FTO: variants seen among roughly 807,000 people sequenced by gnomAD.
FTO encodes the protein alpha-ketoglutarate-dependent dioxygenase FTO.
A neutral mutation model predicts 63.9 loss-of-function variants in FTO; 47 were observed. The ratio of observed to expected loss-of-function variants is 0.74; its 90% CI spans 0.58 to 0.94. FTO has a LOEUF of 0.94. Ranked by LOEUF, FTO falls within the 40% of genes least tolerant of loss-of-function variation. FTO has a pLI of 0.00. For synonymous variants in FTO, 207 were observed against 224.4 expected, an observed-to-expected ratio of 0.92 and a Z score of 0.69; for missense variants, 562 against 618.1, an observed-to-expected ratio of 0.91 and a Z score of 0.96.
At chr16:53,915,650 A>G (rs2081845854) in intron 7 of FTO, among the ~76,000 whole-genome samples, 1 of 152,220 alleles carries the variant, frequency 6.6e-6, no homozygotes, top group African/African-American at 2.4e-5. Context: ...GTAGACTCGA[A>G]CACAGGAGGG....
At chr16:54,068,457 G>A (rs1208997259) in intron 8 of FTO, among the ~76,000 whole-genome samples, 1 of 152,164 alleles carries the variant, frequency 6.6e-6, no homozygotes. Flanking sequence ...CCAGGGGTGA[G>A]AAGGATCATT....
intron 7 of FTO, among the ~76,000 whole-genome samples, chr16:53,920,027 TA>T (rs1456624553): frequency 7.2e-5 from 11 of 152,140 alleles, no homozygotes; most frequent in African/African-American, 2.7e-4. Flanking sequence ...AAGAGAGGAA[TA>T]AAGAAAGGCT....
At chr16:53,830,405 G>A (rs1403915962) in intron 3 of FTO, among the ~76,000 whole-genome samples, 1 of 152,162 alleles carries the variant, frequency 6.6e-6, no homozygotes, top group Non-Finnish European at 1.5e-5. Flanking sequence ...ATATGGTCCA[G>A]CACCTTGTTC....
chr16:53,740,149 G>A (rs2076496825), intron 1 of FTO, among the ~76,000 whole-genome samples: 1 of 152,190 alleles, frequency 6.6e-6, no homozygotes, highest in African/African-American at 2.4e-5. Flanking sequence ...ATGTTAACAA[G>A]AAGCACCAGA....
At chr16:53,920,389 C>T (rs2081980922) in intron 7 of FTO, among the ~76,000 whole-genome samples, 1 of 152,140 alleles carries the variant, frequency 6.6e-6, no homozygotes, top group South Asian at 2.1e-4. Flanking sequence ...TCCTGAATCA[C>T]CAAAAATAAT....
chr16:53,946,388 A>G (rs2082651107), intron 8 of FTO, among the ~76,000 whole-genome samples: 1 of 152,188 alleles, frequency 6.6e-6, no homozygotes, highest in Non-Finnish European at 1.5e-5. Flanking sequence ...CTTTCTCTCC[A>G]TAGTCAACTT....
At chr16:54,080,058 A>G (rs2086103302) in intron 8 of FTO, among the ~76,000 whole-genome samples, 1 of 152,128 alleles carries the variant, frequency 6.6e-6, no homozygotes, top group Non-Finnish European at 1.5e-5. Flanking sequence ...GTCATAAGAT[A>G]GTTTTCATGC....
intron 3 of FTO, among the ~76,000 whole-genome samples, chr16:53,842,134 T>C (rs1165536453): frequency 2.6e-5 from 4 of 152,368 alleles, no homozygotes; most frequent in East Asian, 1.9e-4. Flanking sequence ...ATGGTGTTCA[T>C]TGAATGCCTT....
At chr16:53,879,769 G>T in intron 5 of FTO, 75 bp from the exon 6 acceptor site, 11 of 1,483,558 alleles carry the variant, frequency 7.4e-6, no homozygotes, top group East Asian at 2.6e-5. Flanking sequence ...GGACAAATAT[G>T]AACAATCCTA....
intron 8 of FTO, among the ~76,000 whole-genome samples, chr16:54,031,317 G>A (rs1410248781): frequency 1.3e-5 from 2 of 152,220 alleles, no homozygotes; most frequent in Non-Finnish European, 2.9e-5. Flanking sequence ...TGAAACAGTG[G>A]TGTTGCGGCA....
At chr16:53,805,443 GTTTTT>G (rs10552956) in intron 1 of FTO, among the ~76,000 whole-genome samples, 2 of 109,662 alleles carry the variant, frequency 1.8e-5, no homozygotes, top group Non-Finnish European at 3.6e-5. Flanking sequence ...TTGAGTTGTG[GTTTTT>G]TTTTTTTTTT....
At chr16:53,945,696 C>T (rs979466615) in intron 8 of FTO, among the ~76,000 whole-genome samples, 2 of 152,162 alleles carry the variant, frequency 1.3e-5, no homozygotes, top group Admixed American at 6.5e-5. Context: ...CCTTTATATG[C>T]TCTGTCATTT....
At chr16:53,962,407 A>G (rs1225602840) in intron 8 of FTO, among the ~76,000 whole-genome samples, 1 of 152,200 alleles carries the variant, frequency 6.6e-6, no homozygotes, top group East Asian at 1.9e-4. Flanking sequence ...AATTACAGGG[A>G]CATACATCTC....
At chr16:53,929,665 C>T (rs926393384) in intron 7 of FTO, among the ~76,000 whole-genome samples, 1 of 152,156 alleles carries the variant, frequency 6.6e-6, no homozygotes, top group Non-Finnish European at 1.5e-5. Context: ...AGTAGTGTCT[C>T]AACTTTTAAA....
rs1276605320 is a variant in FTO at position 54,116,484 on chromosome 16, T to G, written c.*4569T>G. Reference sequence around the variant, plus strand: ...TTGTTACTCTGTGATTAAATGGTATTTTTAATTAAGTTTCATTGGGAGCCA... The same window carrying G: ...TTGTTACTCTGTGATTAAATGGTATGTTTAATTAAGTTTCATTGGGAGCCA... On this transcript the variant is annotated 3_prime_UTR_variant, in exon 9 of 9. Transcript: ENST00000471389. 1 of 152,162 alleles carries G rather than the reference T, an allele frequency of 6.6e-6. No individual in the cohort carries two copies. The highest frequency in any genetic ancestry group is 1.5e-5 in the Non-Finnish European group (1 of 68,046). The allele number at this position is 152,162 out of a possible 1,614,324, so 9.4% of individuals were successfully genotyped here. A position where few individuals can be genotyped will look rare whatever the true frequency, so the allele number is the denominator to read the frequency against.
At position 53,810,216 on chromosome 16, in the gene FTO, A is replaced by G; in HGVS notation, c.122A>G (p.Gln41Arg). The G allele has an allele frequency of 1.3e-6, 2 of 1,591,218 alleles. No homozygotes were observed. Residue 41 changes from glutamine (Q) to arginine (R), a missense_variant and splice_region_variant, in exon 2 of 9, where the codon CAG (glutamine) becomes CGG (arginine). Gln to Arg is a conservative substitution (Grantham distance 43). Transcript: ENST00000471389. ...LTPKDDEFYQQWQLKYPKLIL... is the reference protein window; with the variant it reads ...LTPKDDEFYQRWQLKYPKLIL... ...CCCAAAGATGATGAATTCTATCAGC[A>G]GGTAAGGTATTTTAATATTTTTATC...
At chr16:54,018,858 T>A (rs1194979702) in intron 8 of FTO, among the ~76,000 whole-genome samples, 14 of 152,188 alleles carry the variant, frequency 9.2e-5, no homozygotes, top group Non-Finnish European at 4.4e-5. Context: ...CCGTTCTCTA[T>A]AGCACTGTGA....
At chr16:54,082,961 A>G (rs995125099) in intron 8 of FTO, among the ~76,000 whole-genome samples, 3 of 152,234 alleles carry the variant, frequency 2.0e-5, no homozygotes, top group African/African-American at 7.2e-5. Context: ...AATTGTAAAA[A>G]GTAAATACTC....
At chr16:53,775,633 A>G (rs2077442024) in intron 1 of FTO, among the ~76,000 whole-genome samples, 1 of 152,090 alleles carries the variant, frequency 6.6e-6, no homozygotes, top group African/African-American at 2.4e-5. Flanking sequence ...ACCTTCCATA[A>G]TCAGGGTGCA....
Sources: gnomAD v4.1 joint callset for allele counts (sites outside exome capture counted in the v4.1 genomes callset) on GRCh38, gnomAD v4.1.1 for gene constraint, MANE v1.5 for transcripts, NCBI Gene and HGNC (gene_info 2026-07-23, HGNC 2026-07-21) for gene names.